The following FOXK1 variants were observed in gnomAD, a reference collection of about 807,000 sequenced individuals.
The protein encoded by FOXK1 is forkhead box K1.
FOXK1 carries 19 observed loss-of-function variants against 51.9 expected under a neutral mutation model. The observed-to-expected ratio is 0.37, with a 90% CI of 0.26 to 0.54. The LOEUF (loss-of-function observed/expected upper bound fraction) is 0.54, where lower values mean the gene tolerates loss of function less well. Ranked by LOEUF, FOXK1 falls within the 20% of genes least tolerant of loss-of-function variation. The pLI is 0.87. For synonymous variants in FOXK1, 537 were observed against 482.6 expected (o/e 1.11, Z -1.48); for missense variants, 870 against 1,032.7 (o/e 0.84, Z 2.16).
chr7:4,694,455 GC>G (rs1009736012), intron 1 of FOXK1, among the ~76,000 whole-genome samples: 21 of 152,190 alleles, frequency 1.4e-4, no homozygotes, highest in African/African-American at 4.6e-4. Context: ...GCAATCTTCT[GC>G]CTGTTCTGAA....
chr7:4,732,786 C>A (rs536593516), intron 1 of FOXK1, among the ~76,000 whole-genome samples: 1 of 152,322 alleles, frequency 6.6e-6, no homozygotes, highest in African/African-American at 2.4e-5. Context: ...TTAGAGAAGA[C>A]AGGGTCTGGC....
intron 1 of FOXK1, among the ~76,000 whole-genome samples, chr7:4,716,776 G>A (rs1780240206): frequency 6.6e-6 from 1 of 152,230 alleles, no homozygotes; most frequent in African/African-American, 2.4e-5. Flanking sequence ...CTGGTTTGGA[G>A]CTGGCTTACA....
chr7:4,757,222 A>G, intron 5 of FOXK1, 35 bp downstream of exon 5: 4 of 1,544,874 alleles, frequency 2.6e-6, no homozygotes, highest in South Asian at 1.2e-5. Context: ...TCCAGCTGTT[A>G]GGAAAGCTGA....
At chr7:4,738,287 A>G (rs1006156125) in intron 1 of FOXK1, among the ~76,000 whole-genome samples, 9 of 150,826 alleles carry the variant, frequency 6.0e-5, no homozygotes, top group Non-Finnish European at 8.8e-5. Flanking sequence ...AAATACAAAA[A>G]TTAGCCAGGC....
In FOXK1 at chr7:4,762,242, G is replaced by T. The variant is rs1236625747; in HGVS notation, c.1980G>T (p.Val660=). The T allele has an allele frequency of 1.9e-6, 3 of 1,552,790 alleles. No individual in the cohort carries two copies. Among genetic ancestry groups the T allele is most frequent in the Non-Finnish European group, 2.6e-6 (3 of 1,147,742 alleles). Residue 660 remains valine (V), a synonymous_variant, in exon 9 of 9, where the codon GTG becomes GTT. Coordinates refer to ENST00000328914, the MANE Select transcript of FOXK1 (RefSeq NM_001037165.2). The surrounding 1 kb of genome is among the most constrained non-coding windows in gnomAD (Gnocchi z 5.7). ...AAGCGAGTTCATCCGCGCCGGTGGT[G>T]GTCACCCGGGTGTGCGAGGTGGGGC... ...ATQASSSAPV[V]VTRVCEVGPK...
chr7:4,729,285 C>T lies in FOXK1; in HGVS notation c.561-11553C>T, dbSNP rs923196708. Among the ~76,000 whole-genome samples the T allele has an allele frequency of 1.3e-5, 2 of 152,168 alleles. No homozygotes were observed. The highest frequency in any genetic ancestry group is 2.4e-5 in the African/African-American group (1 of 41,438). On this transcript the variant is annotated intron_variant, in intron 1 of 8. Transcript: ENST00000328914. This position sits in a 1 kb window ranked among gnomAD's most constrained non-coding sequence, Gnocchi z 6.2. ...AGGCAGGGTTGTCTGGGGAGTGGAA[C>T]GTCTGCTAGAAATGCAGATCGCTGG...
At chr7:4,720,813 G>A (rs1780299032) in intron 1 of FOXK1, among the ~76,000 whole-genome samples, 1 of 151,596 alleles carries the variant, frequency 6.6e-6, no homozygotes, top group South Asian at 2.1e-4. Flanking sequence ...CTACCTCCTG[G>A]GTTCAAGCGA....
At chr7:4,757,634 CAAAAAAAAAAAA>C (rs59200954) in intron 5 of FOXK1, among the ~76,000 whole-genome samples, 425 of 20,198 alleles carry the variant, frequency 0.021, 7 homozygotes, top group Middle Eastern at 0.083. Flanking sequence ...AACTCCGTCT[CAAAAAAAAAAAA>C]AAAAAAAAAA....
chr7:4,720,243 A>G lies in FOXK1; in HGVS notation c.561-20595A>G, dbSNP rs551971204. Among the ~76,000 whole-genome samples, 4 of 152,094 alleles carry G rather than the reference A, an allele frequency of 2.6e-5. No homozygotes were observed. In the East Asian group the frequency reaches 7.7e-4, roughly 29 times the overall value. ...TCTGTAGGTTTATCATTCTGACCAAATCTGTACATTTTTCAGCCATTATTT... is the reference window on the plus strand; with the variant it reads ...TCTGTAGGTTTATCATTCTGACCAAGTCTGTACATTTTTCAGCCATTATTT... On this transcript the variant is annotated intron_variant, in intron 1 of 8. Coordinates refer to ENST00000328914, the MANE Select transcript of FOXK1 (RefSeq NM_001037165.2).
chr7:4,749,803 G>T lies in FOXK1; in HGVS notation c.747-4656G>T, dbSNP rs949339678. ...GCTTGTCTTAGGCTCTGGGGACGGA[G>T]CCCAGCTGGCGGCTCCAGAGGTGGC... On this transcript the variant is annotated intron_variant, in intron 2 of 8. Transcript: ENST00000328914. This position sits in a 1 kb window ranked among gnomAD's most constrained non-coding sequence, Gnocchi z 6.0. 1.3e-5 allele frequency among the ~76,000 whole-genome samples: 2 copies of T among 152,232 alleles called. No homozygotes were observed. The highest frequency in any genetic ancestry group is 2.9e-5 in the Non-Finnish European group (2 of 68,040).
intron 1 of FOXK1, among the ~76,000 whole-genome samples, chr7:4,688,381 T>C (rs1347874969): frequency 1.3e-5 from 2 of 150,380 alleles, no homozygotes; most frequent in Non-Finnish European, 3.0e-5. Flanking sequence ...ATGGTTGTTT[T>C]TTCTTTTCTT....
At chr7:4,719,227 T>C (rs1439700783) in intron 1 of FOXK1, among the ~76,000 whole-genome samples, 1 of 151,616 alleles carries the variant, frequency 6.6e-6, no homozygotes, top group Non-Finnish European at 1.5e-5. Context: ...CTTGAACTCC[T>C]GGGCTCAAGT....
At position 4,715,104 on chromosome 7, in the gene FOXK1, G is replaced by C. The variant is rs1250151268; in HGVS notation, c.561-25734G>C. On this transcript the variant is annotated intron_variant, in intron 1 of 8. Transcript: ENST00000328914. This position sits in a 1 kb window ranked among gnomAD's most constrained non-coding sequence, Gnocchi z 4.5. ...GGCTTTAGTACAGAAAATATTCAAA[G>C]CCAGTGCAGCTGGAATTGTGATATA... 6.6e-6 allele frequency among the ~76,000 whole-genome samples: 1 copy of C among 152,060 alleles called. No homozygotes were observed. The highest frequency in any genetic ancestry group is 2.4e-5 in the African/African-American group (1 of 41,374).
At chr7:4,759,757 C>G in intron 7 of FOXK1, 162 bp downstream of exon 7, 10 of 892,822 alleles carry the variant, frequency 1.1e-5, no homozygotes, top group Non-Finnish European at 1.7e-5. Context: ...ATGAGCTGGG[C>G]AGGTGGCTCA....
At chr7:4,720,584 C>T (rs1780295833) in intron 1 of FOXK1, among the ~76,000 whole-genome samples, 1 of 152,206 alleles carries the variant, frequency 6.6e-6, no homozygotes, top group African/African-American at 2.4e-5. Context: ...AACTTCGATG[C>T]TGGCAGAGCC....
rs535685028 is a variant in FOXK1, at chr7:4,723,237, G to A, written c.561-17601G>A. Among the ~76,000 whole-genome samples the A allele has an allele frequency of 2.7e-4, 41 of 152,062 alleles. No homozygotes were observed. Among genetic ancestry groups the A allele is most frequent in the African/African-American group, 8.9e-4 (37 of 41,502 alleles). On this transcript the variant is annotated intron_variant, in intron 1 of 8. Transcript: ENST00000328914. This position sits in a 1 kb window ranked among gnomAD's most constrained non-coding sequence, Gnocchi z 4.7. ...GCGGCTTGCACGTTGCACGTCCCCCGGCTCAGCACCGAGCAAGTGGGCCTG... is the reference window on the plus strand; with the variant it reads ...GCGGCTTGCACGTTGCACGTCCCCCAGCTCAGCACCGAGCAAGTGGGCCTG...
In FOXK1 at chr7:4,729,329, G is replaced by A. The variant is rs1024523193; in HGVS notation, c.561-11509G>A. On this transcript the variant is annotated intron_variant, in intron 1 of 8. Transcript: ENST00000328914. The surrounding 1 kb of genome is among the most constrained non-coding windows in gnomAD (Gnocchi z 6.2). ...TCGCTGGGGCCACCGCCGTTTGGCC[G>A]TGTCAGTCATCTGGGGGTCCCTTAG... 3.9e-5 allele frequency among the ~76,000 whole-genome samples: 6 copies of A among 152,180 alleles called. No homozygotes were observed. Among genetic ancestry groups the A allele is most frequent in the Admixed American group, 2.6e-4 (4 of 15,282 alleles).
rs1780694008 is a variant in FOXK1, at chr7:4,745,665, A to G, written c.746+4642A>G. Among the ~76,000 whole-genome samples, 1 of 152,096 alleles carries G rather than the reference A, an allele frequency of 6.6e-6. No homozygotes were observed. Among genetic ancestry groups the G allele is most frequent in the African/African-American group, 2.4e-5 (1 of 41,424 alleles). On this transcript the variant is annotated intron_variant, in intron 2 of 8. Transcript: ENST00000328914. The surrounding 1 kb of genome is among the most constrained non-coding windows in gnomAD (Gnocchi z 4.3). ...AGGCCTGTAATCCCAGCACTTTGGG[A>G]GGCTGAGGCAGGCGGATCACCTGAG...
At chr7:4,732,870 A>T (rs867243419) in intron 1 of FOXK1, among the ~76,000 whole-genome samples, 1 of 152,162 alleles carries the variant, frequency 6.6e-6, no homozygotes, top group Non-Finnish European at 1.5e-5. Context: ...TCTTTCCCAT[A>T]GCGCAGAGTT....
Sources: gnomAD v4.1 joint callset for allele counts (sites outside exome capture counted in the v4.1 genomes callset) on GRCh38, gnomAD v4.1.1 for gene constraint, Gnocchi (gnomAD v3.1) non-coding constraint, MANE v1.5 for transcripts, NCBI Gene and HGNC (gene_info 2026-07-23, HGNC 2026-07-21) for gene names.